The following APBB1 variants were observed in gnomAD, a reference collection of about 807,000 sequenced individuals.
The protein encoded by APBB1 is adaptor protein FE65a2.
A neutral mutation model predicts 78.4 loss-of-function variants in APBB1; 22 were observed. The observed-to-expected ratio is 0.28, with a 90% CI of 0.20 to 0.40. The LOEUF (loss-of-function observed/expected upper bound fraction) is 0.40, where lower values mean the gene tolerates loss of function less well. Among genes scored for constraint, APBB1 ranks in the 10% least tolerant of loss-of-function variants. APBB1 has a pLI of 1.00. For synonymous variants in APBB1, 369 were observed against 372.7 expected (o/e 0.99, Z 0.12); for missense variants, 749 against 932.4 (o/e 0.80, Z 2.56).
chr11:6,413,343 G>A (rs998445100), intron 1 of APBB1, among the ~76,000 whole-genome samples: 3 of 152,096 alleles, frequency 2.0e-5, no homozygotes, highest in Non-Finnish European at 4.4e-5. Flanking sequence ...CATTCCCACT[G>A]TACAGACCTT....
At chr11:6,413,861 T>C (rs1386271485) in intron 1 of APBB1, among the ~76,000 whole-genome samples, 3 of 152,162 alleles carry the variant, frequency 2.0e-5, no homozygotes, top group African/African-American at 7.2e-5. Context: ...TCTGCGCACG[T>C]GTCTGCCTCA....
chr11:6,404,763 G>T, intron 2 of APBB1: 1 of 1,536,388 alleles, frequency 6.5e-7, no homozygotes. Context: ...CTGTCCTGCA[G>T]GATAATGGCC....
intron 2 of APBB1, among the ~76,000 whole-genome samples, chr11:6,410,358 C>A (rs1252920491): frequency 6.6e-6 from 1 of 152,204 alleles, no homozygotes; most frequent in Non-Finnish European, 1.5e-5. Context: ...AGCAGAGGGC[C>A]AGTTACCTAG....
At chr11:6,405,563 A>C (rs987201719) in intron 2 of APBB1, 4 of 985,884 alleles carry the variant, frequency 4.1e-6, no homozygotes, top group African/African-American at 3.5e-5. Context: ...GGGCAACCAG[A>C]CACAGCAGGG....
intron 1 of APBB1, among the ~76,000 whole-genome samples, chr11:6,413,198 T>C (rs918909910): frequency 6.6e-6 from 1 of 152,062 alleles, no homozygotes; most frequent in Non-Finnish European, 1.5e-5. Context: ...CAAGCCCTCC[T>C]TCAGACAGCC....
chr11:6,416,043 A>G (rs1436905682), intron 1 of APBB1, among the ~76,000 whole-genome samples: 1 of 151,732 alleles, frequency 6.6e-6, no homozygotes, highest in African/African-American at 2.4e-5. Flanking sequence ...TCCCAACACG[A>G]CTCAGTAACA....
chr11:6,402,640 C>T lies in APBB1; in HGVS notation c.1190G>A (p.Cys397Tyr), dbSNP rs1848583939. The T allele has an allele frequency of 6.2e-7, 1 of 1,614,096 alleles. No homozygotes were observed. The highest frequency in any genetic ancestry group is 8.5e-7 in the Non-Finnish European group (1 of 1,180,022). ...PGRSSVAVNN[C>Y]IRQLSYHKNN... ...TTTGTGGTAAGAGAGCTGACGGATG[C>T]AATTGTTGACTGCCACACTGCTGCG... The change falls in exon 7 of 15, where the codon TGC (cysteine) becomes TAC (tyrosine). Residue 397 changes from cysteine to tyrosine, a missense_variant. By Grantham distance (194) the Cys-to-Tyr change is radical. This residue lies in a region of APBB1 where 635 missense variants were observed against 765.0 expected (regional missense o/e 0.83). Coordinates refer to ENST00000609360, the MANE Select transcript of APBB1 (RefSeq NM_001164.5).
Position 6,403,375 on chromosome 11 carries a change from C to T in APBB1, c.984G>A (p.Glu328=). 5 of 1,614,182 alleles carry T rather than the reference C, an allele frequency of 3.1e-6. No homozygotes were observed. Among genetic ancestry groups the T allele is most frequent in the Non-Finnish European group, 4.2e-6 (5 of 1,180,012 alleles). The change falls in exon 5 of 15, where the codon GAG becomes GAA. Residue 328 remains glutamate (E), a synonymous_variant. Coordinates refer to ENST00000609360, the MANE Select transcript of APBB1 (RefSeq NM_001164.5). This position sits in a 1 kb window ranked among gnomAD's most constrained non-coding sequence, Gnocchi z 5.3. ...CCTCCTCAGGTTCCTTCAGTCCCAG[C>T]TCCATTGGGGCCTCATCACTGGGTT... ...KDEPSDEAPM[E]LGLKEPEEGT... is the part of the protein sequence containing the mutation.
chr11:6,408,551 C>A (rs1848880210), intron 2 of APBB1, among the ~76,000 whole-genome samples: 1 of 150,792 alleles, frequency 6.6e-6, no homozygotes, highest in African/African-American at 2.4e-5. Flanking sequence ...ATTGCCCAGG[C>A]TGGAGTACAA....
chr11:6,410,815 C>A lies in APBB1; in HGVS notation c.533G>T (p.Gly178Val). ...CACACTCTCCAGGGGCTCAGGCAGCCCTGGGGGAGAAGATAAGTCCTCCTC... is the reference window on the plus strand; with the variant it reads ...CACACTCTCCAGGGGCTCAGGCAGCACTGGGGGAGAAGATAAGTCCTCCTC... The part of the protein sequence containing the change: ...EEEEDLSSPP[G>V]LPEPLESVEA... Residue 178 changes from glycine to valine, a missense_variant, in exon 2 of 15, where the codon GGG (glycine) becomes GTG (valine). Physicochemically the swap from Gly to Val is moderately radical, Grantham distance 109. This residue lies in a region of APBB1 where 635 missense variants were observed against 765.0 expected (regional missense o/e 0.83). Transcript: ENST00000609360. 1.2e-6 allele frequency: 2 copies of A among 1,613,772 alleles called. No individual in the cohort carries two copies. The highest frequency in any genetic ancestry group is 1.7e-6 in the Non-Finnish European group (2 of 1,179,802).
At chr11:6,412,350 AC>A (rs1848988374) in intron 1 of APBB1, among the ~76,000 whole-genome samples, 1 of 152,074 alleles carries the variant, frequency 6.6e-6, no homozygotes, top group Non-Finnish European at 1.5e-5. Flanking sequence ...ACGGGGCTTC[AC>A]CATGTTGGTC....
At chr11:6,417,275 T>G (rs1459256233) in intron 1 of APBB1, among the ~76,000 whole-genome samples, 1 of 152,188 alleles carries the variant, frequency 6.6e-6, no homozygotes, top group African/African-American at 2.4e-5. Flanking sequence ...TCCACTATAT[T>G]TTAGTTCAAA....
intron 2 of APBB1, among the ~76,000 whole-genome samples, chr11:6,406,755 A>G (rs1564943341): frequency 1.3e-5 from 2 of 152,036 alleles, no homozygotes. Context: ...AGACATCAGT[A>G]TACAGGTCCC....
rs1261735398 is a variant in APBB1, at chr11:6,402,243, C to G, written c.1255-34G>C. The G allele has an allele frequency of 2.5e-6, 4 of 1,609,482 alleles. No individual in the cohort carries two copies. In the East Asian group the frequency reaches 6.7e-5, roughly 27 times the overall value. On this transcript the variant is annotated intron_variant, in intron 7 of 14. Transcript: ENST00000609360. The stretch of plus-strand genomic sequence containing the variant: ...CCAGAAGCAGGCACTCAGTGGGACT[C>G]CAGCCAGGATGGTGGCTGATCTCTG...
Position 6,403,519 on chromosome 11 carries a change from C to G in APBB1, c.923G>C (p.Gly308Ala). Residue 308 changes from glycine to alanine, a missense_variant, in exon 4 of 15, where the codon GGA (glycine) becomes GCA (alanine). Gly to Ala is a moderately conservative substitution (Grantham distance 60). Transcript: ENST00000609360. The surrounding 1 kb of genome is among the most constrained non-coding windows in gnomAD (Gnocchi z 5.3). ...SQLTWTGFAH[G>A]EGFEDGEFWK... ...AAATTCTCCATCCTCAAAGCCTTCT[C>G]CATGAGCAAAACCTGTCCAGGTGAG... is the stretch of plus-strand genomic sequence containing the variant. The G allele has an allele frequency of 6.2e-7, 1 of 1,614,222 alleles. No homozygotes were observed. Among genetic ancestry groups the G allele is most frequent in the African/African-American group, 1.3e-5 (1 of 75,050 alleles).
chr11:6,402,699 C>G lies in APBB1; in HGVS notation c.1131G>C (p.Trp377Cys). 3 of 1,614,116 alleles carry G rather than the reference C, an allele frequency of 1.9e-6. No individual in the cohort carries two copies. Among genetic ancestry groups the G allele is most frequent in the Non-Finnish European group, 2.5e-6 (3 of 1,180,010 alleles). The change falls in exon 7 of 15, where the codon TGG (tryptophan) becomes TGC (cysteine). Residue 377 changes from tryptophan to cysteine, a missense_variant. Around this residue, in one of 3 missense-constraint regions of APBB1, gnomAD observed 635 missense variants for 765.0 expected, o/e 0.83. Coordinates refer to ENST00000609360, the MANE Select transcript of APBB1 (RefSeq NM_001164.5). Reference protein sequence around the residue: ...IKCFAVRSLGWVEMTEEELAP... With the variant: ...IKCFAVRSLGCVEMTEEELAP... The stretch of plus-strand genomic sequence containing the variant: ...CCAGCTCCTCCTCGGTCATCTCTAC[C>G]CAGCCTAGGGAGCGCACGGCGAAAC...
At chr11:6,407,865 C>T (rs1184610382) in intron 2 of APBB1, among the ~76,000 whole-genome samples, 5 of 151,292 alleles carry the variant, frequency 3.3e-5, no homozygotes, top group African/African-American at 7.3e-5. Context: ...CTGCAAGCTC[C>T]GCTTCCCGGG....
Position 6,401,216 on chromosome 11 carries a change from C to T in APBB1, c.1588+129G>A, listed in dbSNP as rs750578028. Reference sequence around the variant, plus strand: ...CCTCCCTTTAACCGGAGTCCCTCCACGTATTGGAGTATTCAGTCTTCATGT... The same window carrying T: ...CCTCCCTTTAACCGGAGTCCCTCCATGTATTGGAGTATTCAGTCTTCATGT... On this transcript the variant is annotated intron_variant, in intron 11 of 14. Transcript: ENST00000609360. The surrounding 1 kb of genome is among the most constrained non-coding windows in gnomAD (Gnocchi z 4.5). 8.7e-6 allele frequency: 14 copies of T among 1,610,282 alleles called. No individual in the cohort carries two copies. The highest frequency in any genetic ancestry group is 5.3e-5 in the African/African-American group (4 of 74,774).
Position 6,410,764 on chromosome 11 carries a change from A to C in APBB1, c.584T>G (p.Leu195Arg), listed in dbSNP as rs559315536. Residue 195 changes from leucine (L) to arginine (R), a missense_variant, in exon 2 of 15, where the codon CTT becomes CGT. Around this residue, in one of 3 missense-constraint regions of APBB1, gnomAD observed 635 missense variants for 765.0 expected, o/e 0.83. Coordinates refer to ENST00000609360, the MANE Select transcript of APBB1 (RefSeq NM_001164.5). ...SVEAPPRPQALTDGPREHSKS... is the reference protein window; with the variant it reads ...SVEAPPRPQARTDGPREHSKS... Reference sequence around the variant, plus strand: ...GCTGTGTTCCCGGGGGCCATCTGTAAGGGCTTGGGGCCTGGGAGGGGCCTC... The same window carrying C: ...GCTGTGTTCCCGGGGGCCATCTGTACGGGCTTGGGGCCTGGGAGGGGCCTC... The C allele has an allele frequency of 6.3e-7, 1 of 1,592,576 alleles. No individual in the cohort carries two copies. Among genetic ancestry groups the C allele is most frequent in the African/African-American group, 1.3e-5 (1 of 74,362 alleles).
Sources: gnomAD v4.1 joint callset for allele counts (sites outside exome capture counted in the v4.1 genomes callset) on GRCh38, gnomAD v4.1.1 for gene constraint, gnomAD v4.1.1 regional missense constraint, Gnocchi (gnomAD v3.1) non-coding constraint, MANE v1.5 for transcripts, NCBI Gene and HGNC (gene_info 2026-07-23, HGNC 2026-07-21) for gene names.